Variants in NDUFB10 observed in about 807,000 individuals in gnomAD.
The protein encoded by NDUFB10 is NADH:ubiquinone oxidoreductase subunit B10.
In NDUFB10, 23 loss-of-function variants were observed where a neutral mutation model predicts 19.0. The observed-to-expected ratio is 1.21, with a 90% CI of 0.87 to 1.71. The LOEUF (loss-of-function observed/expected upper bound fraction) is 1.71. Among genes scored for constraint, NDUFB10 ranks in the 40% most tolerant of loss-of-function variants. The pLI is 0.00. For missense variants in NDUFB10, 312 were observed against 230.6 expected (o/e 1.35, Z -2.29); for synonymous variants, 104 against 81.8 (o/e 1.27, Z -1.46).
At chr16:1,959,887 TC>T in intron 1 of NDUFB10, 133 bp downstream of exon 1, 2 of 1,233,172 alleles carry the variant, frequency 1.6e-6, no homozygotes, top group Non-Finnish European at 2.3e-6. Context: ...CGGGGACAAC[TC>T]CCCACCCCCG....
chr16:1,960,151 C>A (rs1332564939), intron 1 of NDUFB10, among the ~76,000 whole-genome samples: 1 of 152,054 alleles, frequency 6.6e-6, no homozygotes, highest in Non-Finnish European at 1.5e-5. Context: ...GACCAAGTGT[C>A]GGGGTGATGG....
intron 1 of NDUFB10, among the ~76,000 whole-genome samples, chr16:1,960,123 A>G (rs1001045688): frequency 5.3e-5 from 8 of 152,018 alleles, no homozygotes; most frequent in Non-Finnish European, 1.2e-4. Flanking sequence ...GCCTCTCTCA[A>G]ATGTCTCTCT....
At chr16:1,960,281 G>A (rs2083244809) in intron 1 of NDUFB10, among the ~76,000 whole-genome samples, 1 of 151,330 alleles carries the variant, frequency 6.6e-6, no homozygotes, top group Non-Finnish European at 1.5e-5. Context: ...GTGCAGTGGC[G>A]CGATCTCGGC....
At chr16:1,960,576 G>A (rs56125212) in intron 1 of NDUFB10, among the ~76,000 whole-genome samples, 22,226 of 152,210 alleles carry the variant, frequency 0.15, 1,813 homozygotes, top group South Asian at 0.26. Context: ...TGGTTCTTCC[G>A]TAAGAGGGTG....
rs754616585 is a variant in NDUFB10 at position 1,961,498 on chromosome 16, A to G, written c.271A>G (p.Lys91Glu). Residue 91 changes from lysine to glutamate, a missense_variant and splice_region_variant, in exon 3 of 4, where the codon AAA (lysine) becomes GAA (glutamate). Physicochemically the swap from Lys to Glu is moderately conservative, Grantham distance 56. Coordinates refer to ENST00000268668, the MANE Select transcript of NDUFB10 (RefSeq NM_004548.3). ...EAEMQWKRDYKVDQEIINIMQ... is the reference protein window; with the variant it reads ...EAEMQWKRDYEVDQEIINIMQ... ...TCTCTTGCTCCTTTTCTCCACCAGC[A>G]AAGTCGACCAAGAAATTATCAACAT... is the stretch of plus-strand genomic sequence containing the variant. 2.9e-5 allele frequency: 47 copies of G among 1,613,904 alleles called. No homozygotes were observed. The highest frequency in any genetic ancestry group is 3.6e-5 in the Non-Finnish European group (43 of 1,179,974).
rs373969933 is a variant in NDUFB10, at chr16:1,961,788, C to T, written c.410-9C>T. ...CTCGGTTCCCAGCTTGTTTCCATTG[C>T]TTCCCCAGATCAGGACCTGGGGGCC... On this transcript the variant is annotated splice_polypyrimidine_tract_variant and intron_variant, in intron 3 of 3. Transcript: ENST00000268668. 31 of 1,551,230 alleles carry T rather than the reference C, an allele frequency of 2.0e-5. No homozygotes were observed. Among genetic ancestry groups the T allele is most frequent in the East Asian group, 1.5e-4 (6 of 41,122 alleles).
chr16:1,961,642 T>C lies in NDUFB10; in HGVS notation c.409+6T>C, dbSNP rs2083255580. The C allele has an allele frequency of 3.2e-6, 5 of 1,585,544 alleles. No homozygotes were observed. The highest frequency in any genetic ancestry group is 1.1e-5 in the South Asian group (1 of 89,278). Reference sequence around the variant, plus strand: ...CAAGGCCTACCAGGACCGCTGTGCGTGCCCCACCCACCCCCAACCCCCCAC... The same window carrying C: ...CAAGGCCTACCAGGACCGCTGTGCGCGCCCCACCCACCCCCAACCCCCCAC... On this transcript the variant is annotated splice_donor_region_variant and intron_variant, in intron 3 of 3. Coordinates refer to ENST00000268668, the MANE Select transcript of NDUFB10 (RefSeq NM_004548.3).
chr16:1,961,728 C>A (rs1296478909), intron 3 of NDUFB10, 69 bp from the exon 4 acceptor site: 23 of 1,483,522 alleles, frequency 1.6e-5, no homozygotes, highest in Non-Finnish European at 2.1e-5. Flanking sequence ...CCCTTGTGCT[C>A]ACTTGACTTT....
At chr16:1,961,725 G>A (rs1045974182) in intron 3 of NDUFB10, 72 bp from the exon 4 acceptor site, 2 of 1,530,836 alleles carry the variant, frequency 1.3e-6, no homozygotes, top group Non-Finnish European at 1.8e-6. Flanking sequence ...CCTCCCTTGT[G>A]CTCACTTGAC....
intron 1 of NDUFB10, 98 bp downstream of exon 1, chr16:1,959,852 C>A (rs2083241957): frequency 6.7e-7 from 1 of 1,490,240 alleles, no homozygotes; most frequent in Non-Finnish European, 9.1e-7. Flanking sequence ...GTCCCGTCTG[C>A]CTGAGACCGC....
rs994412715 is a variant in NDUFB10, at chr16:1,961,840, C to A, written c.453C>A (p.Ala151=). 4.5e-6 allele frequency: 7 copies of A among 1,563,494 alleles called. No homozygotes were observed. Among genetic ancestry groups the A allele is most frequent in the Non-Finnish European group, 6.1e-6 (7 of 1,153,398 alleles). The change falls in exon 4 of 4, where the codon GCC becomes GCA. Residue 151 remains alanine (A), a synonymous_variant. Transcript: ENST00000268668. Reference sequence around the variant, plus strand: ...ACAGTTCTGCCAGGAAGTGCCTGGCCAAACAGAGGCAGAGGATGCTGCAAG... The same window carrying A: ...ACAGTTCTGCCAGGAAGTGCCTGGCAAAACAGAGGCAGAGGATGCTGCAAG... ...GAYSSARKCL[A]KQRQRMLQER... is the part of the protein sequence containing the mutation.
At chr16:1,959,846 C>T (rs1405249723) in intron 1 of NDUFB10, 92 bp downstream of exon 1, 5 of 1,539,112 alleles carry the variant, frequency 3.2e-6, no homozygotes, top group African/African-American at 2.7e-5. Context: ...TCCGGGGTCC[C>T]GTCTGCCTGA....
chr16:1,960,225 G>GTTT (rs57356094), intron 1 of NDUFB10, among the ~76,000 whole-genome samples: 2 of 146,836 alleles, frequency 1.4e-5, no homozygotes, highest in Middle Eastern at 3.5e-3. Flanking sequence ...AGTTTTTGTT[G>GTTT]TTTTTTTTTT....
At chr16:1,961,345 C>G (rs2083253350) in intron 2 of NDUFB10, 54 bp downstream of exon 2, 1 of 1,607,574 alleles carries the variant, frequency 6.2e-7, no homozygotes, top group African/African-American at 1.3e-5. Context: ...TGCTGGGACA[C>G]TAGTCCCTGG....
At position 1,960,507 on chromosome 16, in the gene NDUFB10, C is replaced by G. The variant is rs555780960; in HGVS notation, c.131-646C>G. 1.1e-4 allele frequency among the ~76,000 whole-genome samples: 16 copies of G among 152,350 alleles called. 1 individual carries two copies. Among genetic ancestry groups the G allele is most frequent in the African/African-American group, 3.8e-4 (16 of 41,582 alleles). ...AGGTGCTGGGATTACAGGCCTGAGC[C>G]ACCGTGTCCAGCCTGGTTCAGTTCT... On this transcript the variant is annotated intron_variant, in intron 1 of 3. Transcript: ENST00000268668.
In NDUFB10 at chr16:1,961,146, T is replaced by A; in HGVS notation, c.131-7T>A. On this transcript the variant is annotated splice_polypyrimidine_tract_variant and splice_region_variant and intron_variant, in intron 1 of 3. Coordinates refer to ENST00000268668, the MANE Select transcript of NDUFB10 (RefSeq NM_004548.3). ...AGGCATTTGAGTCTGTGGCTTTGTC[T>A]TTGCAGAATTTATAGAGCGGCAGCA... is the stretch of plus-strand genomic sequence containing the variant. 1 of 1,613,774 alleles carries A rather than the reference T, an allele frequency of 6.2e-7. No homozygotes were observed.
At chr16:1,961,022 T>G in intron 1 of NDUFB10, 131 bp from the exon 2 acceptor site, 1 of 1,138,200 alleles carries the variant, frequency 8.8e-7, no homozygotes. Context: ...AGAGACGAAT[T>G]GCTGTTTTCT....
rs368831063 is a variant in NDUFB10, at chr16:1,961,565, A to G, written c.338A>G (p.Gln113Arg). The change falls in exon 3 of 4, where the codon CAG becomes CGG. Residue 113 changes from glutamine to arginine, a missense_variant. Transcript: ENST00000268668. ...AAAGCCTGTCAGCAGAGGGAAGGAC[A>G]GAACTACCAGCAGAACTGTATCAAG... ...RLKACQQREGQNYQQNCIKEV... is the reference protein window; with the variant it reads ...RLKACQQREGRNYQQNCIKEV... 1 of 1,614,118 alleles carries G rather than the reference A, an allele frequency of 6.2e-7. No individual in the cohort carries two copies. The highest frequency in any genetic ancestry group is 8.5e-7 in the Non-Finnish European group (1 of 1,180,026).
rs981763497 is a variant in NDUFB10 at position 1,961,187 on chromosome 16, T to C, written c.165T>C (p.Tyr55=). The C allele has an allele frequency of 1.3e-5, 21 of 1,613,992 alleles. No individual in the cohort carries two copies. Among genetic ancestry groups the C allele is most frequent in the Non-Finnish European group, 1.7e-5 (20 of 1,180,028 alleles). ...FIERQHAKNR[Y]YYYHRQYRRV... ...AGCGGCAGCACGCAAAGAACAGGTA[T>C]TACTACTACCACCGGCAGTACCGCC... is the stretch of plus-strand genomic sequence containing the variant. The change falls in exon 2 of 4, where the codon TAT becomes TAC. Residue 55 remains tyrosine, a synonymous_variant. Transcript: ENST00000268668.
Sources: gnomAD v4.1 joint callset for allele counts (sites outside exome capture counted in the v4.1 genomes callset) on GRCh38, gnomAD v4.1.1 for gene constraint, MANE v1.5 for transcripts, NCBI Gene and HGNC (gene_info 2026-07-23, HGNC 2026-07-21) for gene names.